EML4: variants seen among roughly 807,000 people sequenced by gnomAD.
EML4 encodes the protein EMAP like 4, also known as echinoderm microtubule-associated protein-like 4.
A neutral mutation model predicts 129.0 loss-of-function variants in EML4; 72 were observed. The ratio of observed to expected loss-of-function variants is 0.56; its 90% CI spans 0.46 to 0.68. The LOEUF (loss-of-function observed/expected upper bound fraction) is 0.68, where lower values mean the gene tolerates loss of function less well. EML4 is among the 30% of genes least tolerant of loss of function. The pLI, the probability that EML4 is intolerant of heterozygous loss-of-function variation, is 0.00. For missense variants in EML4, 1,363 were observed against 1,190.6 expected, an observed-to-expected ratio of 1.14 and a Z score of -2.13; for synonymous variants, 532 against 405.0, an observed-to-expected ratio of 1.31 and a Z score of -3.77.
At chr2:42,183,650 T>C (rs1266862641) in intron 1 of EML4, among the ~76,000 whole-genome samples, 1 of 152,184 alleles carries the variant, frequency 6.6e-6, no homozygotes, top group African/African-American at 2.4e-5. Flanking sequence ...TTTTTTTAAA[T>C]CGTTTATATT....
intron 1 of EML4, among the ~76,000 whole-genome samples, chr2:42,196,933 C>T (rs188123653): frequency 1.4e-3 from 217 of 152,182 alleles, no homozygotes; most frequent in African/African-American, 5.1e-3. Context: ...TAAGAGTGCC[C>T]CCTACTTTGA....
chr2:42,211,230 A>G (rs893804460), intron 1 of EML4, among the ~76,000 whole-genome samples: 11 of 152,188 alleles, frequency 7.2e-5, no homozygotes, highest in Admixed American at 7.2e-4. Context: ...GTCTGTAAGC[A>G]TGGCTGAAAA....
chr2:42,237,119 T>C (rs1674728929), intron 1 of EML4, among the ~76,000 whole-genome samples: 1 of 152,124 alleles, frequency 6.6e-6, no homozygotes, highest in South Asian at 2.1e-4. Context: ...GTATTTTTTG[T>C]AGAGACAGGG....
chr2:42,291,489 C>T (rs1005729119), intron 11 of EML4, among the ~76,000 whole-genome samples: 3 of 151,094 alleles, frequency 2.0e-5, no homozygotes, highest in Non-Finnish European at 2.9e-5. Context: ...CTGCAGCCTC[C>T]GCCTCCTGGG....
intron 1 of EML4, among the ~76,000 whole-genome samples, chr2:42,212,657 A>G (rs1044138685): frequency 4.6e-5 from 7 of 152,236 alleles, no homozygotes; most frequent in African/African-American, 7.2e-5. Context: ...ACCCACAGAT[A>G]CACTTACTGT....
chr2:42,175,682 A>G (rs144115157), intron 1 of EML4, among the ~76,000 whole-genome samples: 4 of 152,072 alleles, frequency 2.6e-5, no homozygotes, highest in Admixed American at 1.3e-4. Context: ...TATTTTTAAT[A>G]GAGAAGAGGT....
chr2:42,211,354 T>C (rs1672875476), intron 1 of EML4, among the ~76,000 whole-genome samples: 2 of 152,152 alleles, frequency 1.3e-5, no homozygotes, highest in South Asian at 4.1e-4. Flanking sequence ...TTCTTAGAGG[T>C]TAAACCCATC....
intron 1 of EML4, among the ~76,000 whole-genome samples, chr2:42,174,139 C>T (rs890488561): frequency 7.2e-5 from 11 of 151,992 alleles, no homozygotes; most frequent in African/African-American, 2.7e-4. Flanking sequence ...GAGTCCATTT[C>T]TGTAACATGT....
At position 42,330,515 on chromosome 2, in the gene EML4, T is replaced by C; in HGVS notation, c.*308T>C. The C allele has an allele frequency of 4.2e-6, 2 of 480,700 alleles. No homozygotes were observed. The highest frequency in any genetic ancestry group is 3.7e-5 in the East Asian group (1 of 26,966). The allele number at this position is 480,700 out of a possible 1,614,324, so 29.8% of individuals were successfully genotyped here. On this transcript the variant is annotated 3_prime_UTR_variant, in exon 23 of 23. Coordinates refer to ENST00000318522, the MANE Select transcript of EML4 (RefSeq NM_019063.5). The stretch of plus-strand genomic sequence containing the variant: ...ACTGGAAACAAAAACAGCAGTTGCA[T>C]TGATTTTGAAAACAAACCCCCTTGT...
Position 42,316,061 on chromosome 2 carries a change from T to C in EML4, c.2056+11T>C, listed in dbSNP as rs1003503347. The stretch of plus-strand genomic sequence containing the variant: ...TGCGCTACTCAATAGGTAGGCAAAT[T>C]TACTCCCACCTCCCAAGCATGGCAT... On this transcript the variant is annotated intron_variant, in intron 18 of 22. Coordinates refer to ENST00000318522, the MANE Select transcript of EML4 (RefSeq NM_019063.5). 3 of 1,594,326 alleles carry C rather than the reference T, an allele frequency of 1.9e-6. No individual in the cohort carries two copies. Among genetic ancestry groups the C allele is most frequent in the African/African-American group, 1.3e-5 (1 of 74,646 alleles).
At chr2:42,289,913 CAAAAAAAAAAAAAAAA>C (rs869189390) in intron 11 of EML4, 1 of 55,832 alleles carries the variant, frequency 1.8e-5, no homozygotes, top group Admixed American at 2.3e-4. Context: ...ACTAAAAATA[CAAAAAAAAAAAAAAAA>C]AAAAAAAAAT....
At chr2:42,236,207 C>T (rs914013208) in intron 1 of EML4, among the ~76,000 whole-genome samples, 1 of 152,200 alleles carries the variant, frequency 6.6e-6, no homozygotes, top group Non-Finnish European at 1.5e-5. Context: ...ACCTGACTTG[C>T]TCTTTACATT....
In EML4 at chr2:42,325,596, TTATATTTATATATA is replaced by T. The variant is rs779852452; in HGVS notation, c.2242+48_2242+61del. On this transcript the variant is annotated intron_variant, in intron 20 of 22. Transcript: ENST00000318522. ...TTATATATATATATATATGCTATGA[TTATATTTATATATA>T]TATATATATATATATATATATATAT... 297 of 150,928 alleles carry T rather than the reference TTATATTTATATATA, an allele frequency of 2.0e-3. 15 individuals are homozygous for T. Among genetic ancestry groups the T allele is most frequent in the East Asian group, 2.7e-3 (13 of 4,806 alleles). 9.3% of individuals were successfully genotyped at this position (150,928 alleles called of 1,614,324 possible). A position where few individuals can be genotyped will look rare whatever the true frequency, so the allele number is the denominator to read the frequency against.
chr2:42,292,183 T>G (rs1572702053), intron 11 of EML4, among the ~76,000 whole-genome samples: 1 of 152,364 alleles, frequency 6.6e-6, no homozygotes, highest in South Asian at 2.1e-4. Context: ...AGGAACTTTG[T>G]GAATTGTTCC....
chr2:42,322,067 G>A (rs1051654705), intron 19 of EML4, among the ~76,000 whole-genome samples: 13 of 152,114 alleles, frequency 8.5e-5, no homozygotes, highest in African/African-American at 2.4e-4. Flanking sequence ...AATTTTCCAC[G>A]TATCACAGAA....
chr2:42,178,786 A>C (rs1437291296), intron 1 of EML4, among the ~76,000 whole-genome samples: 1 of 152,210 alleles, frequency 6.6e-6, no homozygotes, highest in Non-Finnish European at 1.5e-5. Context: ...GGTACACTCA[A>C]ACCATTGCAC....
chr2:42,183,141 T>A (rs1671046577), intron 1 of EML4, among the ~76,000 whole-genome samples: 1 of 151,796 alleles, frequency 6.6e-6, no homozygotes, highest in Non-Finnish European at 1.5e-5. Context: ...GGTGACGGAG[T>A]GGTGACTGAA....
At chr2:42,190,239 A>C (rs1453258488) in intron 1 of EML4, among the ~76,000 whole-genome samples, 1 of 152,124 alleles carries the variant, frequency 6.6e-6, no homozygotes, top group East Asian at 1.9e-4. Context: ...ATTCTTTGCA[A>C]CCTTAAGTCT....
chr2:42,194,927 AT>A (rs1490221801), intron 1 of EML4, among the ~76,000 whole-genome samples: 1 of 152,176 alleles, frequency 6.6e-6, no homozygotes, highest in South Asian at 2.1e-4. Context: ...TTAAAAGTTA[AT>A]TTTTTTCTTA....
Sources: allele counts gnomAD v4.1 joint callset (sites outside exome capture counted in the v4.1 genomes callset), GRCh38; gene constraint gnomAD v4.1.1; transcripts MANE v1.5; gene names NCBI Gene and HGNC (gene_info 2026-07-23, HGNC 2026-07-21).